MAPKAP1: variants seen among roughly 807,000 people sequenced by gnomAD.
MAPKAP1 encodes the protein target of rapamycin complex 2 subunit MAPKAP1.
In MAPKAP1, 20 loss-of-function variants were observed where a neutral mutation model predicts 65.7. The ratio of observed to expected loss-of-function variants is 0.30; its 90% confidence interval spans 0.21 to 0.44. MAPKAP1 has a LOEUF of 0.44. Among genes scored for constraint, MAPKAP1 ranks in the 20% least tolerant of loss-of-function variants. The pLI, the probability that MAPKAP1 is intolerant of heterozygous loss-of-function variation, is 1.00. For missense variants in MAPKAP1, 423 were observed against 648.0 expected (o/e 0.65, Z 3.77); for synonymous variants, 222 against 244.3 (o/e 0.91, Z 0.85).
At chr9:125,512,528 A>T (rs1424338451) in intron 7 of MAPKAP1, among the ~76,000 whole-genome samples, 6 of 152,056 alleles carry the variant, frequency 3.9e-5, no homozygotes, top group Non-Finnish European at 5.9e-5. Context: ...TTGTCGTTTA[A>T]TCTTTATGTT....
chr9:125,582,908 G>A (rs1484867715), intron 5 of MAPKAP1, among the ~76,000 whole-genome samples: 1 of 152,162 alleles, frequency 6.6e-6, no homozygotes, highest in Non-Finnish European at 1.5e-5. Flanking sequence ...GGAATGATTG[G>A]CTGAGGGCTC....
At chr9:125,523,005 G>A (rs1829663646) in intron 7 of MAPKAP1, among the ~76,000 whole-genome samples, 1 of 152,056 alleles carries the variant, frequency 6.6e-6, no homozygotes, top group East Asian at 1.9e-4. Context: ...ATGATATCAG[G>A]CCCAACCAGA....
Position 125,698,303 on chromosome 9 carries a change from AT to A in MAPKAP1, c.-70+8667del, listed in dbSNP as rs1208309099. ...AATATATATAAATATATATATATAT[AT>A]ATATATATATATATATATATATATA... On this transcript the variant is annotated intron_variant, in intron 1 of 11. Transcript: ENST00000265960. Among the ~76,000 whole-genome samples the A allele has an allele frequency of 2.5e-3, 54 of 21,464 alleles. 1 individual carries two copies. The highest frequency in any genetic ancestry group is 3.8e-3 in the Non-Finnish European group (39 of 10,202). The allele number at this position is 21,464 out of a possible 152,430, so 14.1% of individuals were successfully genotyped here.
intron 7 of MAPKAP1, among the ~76,000 whole-genome samples, chr9:125,529,025 T>G (rs1829857749): frequency 6.6e-6 from 1 of 150,830 alleles, no homozygotes; most frequent in Non-Finnish European, 1.5e-5. Context: ...AATACAAAAA[T>G]TAGCCGGGCG....
intron 7 of MAPKAP1, among the ~76,000 whole-genome samples, chr9:125,524,034 C>CTTAT (rs892670525): frequency 1.3e-5 from 2 of 152,208 alleles, no homozygotes; most frequent in African/African-American, 2.4e-5. Flanking sequence ...TTGGTGAGTA[C>CTTAT]TTATTTATTT....
chr9:125,559,703 T>C lies in MAPKAP1; in HGVS notation c.778A>G (p.Ser260Gly). ...SNEPIHKFGF[S>G]TLALVEKYSS... is the part of the protein sequence containing the mutation. ...TACTTTTCAACCAGGGCCAAAGTAC[T>C]GAAGCCAAACTTATGAATGGGCTCA... is the stretch of plus-strand genomic sequence containing the variant. Residue 260 changes from serine (S) to glycine (G), a missense_variant, in exon 6 of 12, where the codon AGT (serine) becomes GGT (glycine). By Grantham distance (56) the Ser-to-Gly change is moderately conservative (BLOSUM62 0). Around this residue, in one of 6 missense-constraint regions of MAPKAP1, gnomAD observed 98 missense variants for 200.5 expected, o/e 0.49. Coordinates refer to ENST00000265960, the MANE Select transcript of MAPKAP1 (RefSeq NM_001006617.3). 6.2e-7 allele frequency: 1 copy of C among 1,613,988 alleles called. No individual in the cohort carries two copies. Among genetic ancestry groups the C allele is most frequent in the Admixed American group, 1.7e-5 (1 of 60,018 alleles).
intron 3 of MAPKAP1, among the ~76,000 whole-genome samples, chr9:125,660,438 A>G (rs1834151630): frequency 6.6e-6 from 1 of 152,222 alleles, no homozygotes; most frequent in African/African-American, 2.4e-5. Context: ...CCTCAAAAAA[A>G]GTAAATAAAT....
At chr9:125,702,860 G>T (rs1029279281) in intron 1 of MAPKAP1, among the ~76,000 whole-genome samples, 1 of 125,658 alleles carries the variant, frequency 8.0e-6, no homozygotes, top group Non-Finnish European at 1.7e-5. Context: ...CTCAAAAAAA[G>T]AAAAAAAAAA....
chr9:125,521,433 C>G (rs1018756092), intron 7 of MAPKAP1: 7 of 1,092,262 alleles, frequency 6.4e-6, no homozygotes, highest in Non-Finnish European at 7.8e-6. Flanking sequence ...ATTTTACATA[C>G]AGTTATCTGT....
intron 4 of MAPKAP1, chr9:125,596,590 A>T: frequency 3.0e-6 from 2 of 675,276 alleles, no homozygotes; most frequent in South Asian, 2.7e-5. Context: ...TGGCAGTTCC[A>T]GTAGCAGCAG....
chr9:125,693,668 T>C lies in MAPKAP1; in HGVS notation c.-70+13303A>G, dbSNP rs1298485554. ...ATATACACGTATACATACACACACA[T>C]ATACACGTATATATACACGTATATA... On this transcript the variant is annotated intron_variant, in intron 1 of 11. Coordinates refer to ENST00000265960, the MANE Select transcript of MAPKAP1 (RefSeq NM_001006617.3). Among the ~76,000 whole-genome samples the C allele has an allele frequency of 0.015, 1,995 of 129,436 alleles. 151 individuals carry two copies. In the East Asian group the frequency reaches 0.16, roughly 11 times the overall value. 84.9% of individuals were successfully genotyped at this position (129,436 alleles called of 152,430 possible). A position where few individuals can be genotyped will look rare whatever the true frequency, so the allele number is the denominator to read the frequency against.
At chr9:125,466,587 G>A (rs374270708) in intron 10 of MAPKAP1, among the ~76,000 whole-genome samples, 25 of 152,280 alleles carry the variant, frequency 1.6e-4, no homozygotes, top group African/African-American at 2.6e-4. Context: ...TTTATTGGCC[G>A]ACAAGCTGAA....
chr9:125,584,102 A>C (rs904503085), intron 5 of MAPKAP1, among the ~76,000 whole-genome samples: 2 of 152,030 alleles, frequency 1.3e-5, no homozygotes, highest in African/African-American at 4.8e-5. Flanking sequence ...AACATCGATA[A>C]AGTCATTTGT....
intron 4 of MAPKAP1, among the ~76,000 whole-genome samples, chr9:125,593,650 ACT>A (rs919870253): frequency 6.7e-6 from 1 of 148,896 alleles, no homozygotes; most frequent in African/African-American, 2.5e-5. Flanking sequence ...ACAGAGCGAG[ACT>A]CTGTCTCAAA....
intron 4 of MAPKAP1, among the ~76,000 whole-genome samples, chr9:125,647,565 G>C (rs1414593642): frequency 6.6e-6 from 1 of 152,180 alleles, no homozygotes; most frequent in Non-Finnish European, 1.5e-5. Context: ...TCGTGGTTCT[G>C]TTCCTCTGCT....
At chr9:125,631,883 T>C (rs1833294024) in intron 4 of MAPKAP1, among the ~76,000 whole-genome samples, 1 of 151,980 alleles carries the variant, frequency 6.6e-6, no homozygotes. Flanking sequence ...TCCCTGATAT[T>C]CTCCCATGCG....
At chr9:125,482,908 A>T (rs1454751818) in intron 9 of MAPKAP1, among the ~76,000 whole-genome samples, 1 of 152,176 alleles carries the variant, frequency 6.6e-6, no homozygotes, top group Non-Finnish European at 1.5e-5. Flanking sequence ...CAGGTGCCTA[A>T]GTTCTCTGCA....
chr9:125,707,131 G>T lies in MAPKAP1; in HGVS notation c.-230C>A, dbSNP rs541294398. 5.0e-6 allele frequency: 2 copies of T among 398,236 alleles called. No homozygotes were observed. The highest frequency in any genetic ancestry group is 8.9e-6 in the Non-Finnish European group (2 of 225,886). The allele number at this position is 398,236 out of a possible 1,614,324, so 24.7% of individuals were successfully genotyped here. ...CGGCCCGCTCAGCTGCCGCTTCCCG[G>T]GTTAGCCCTCATGCCCCTGCTGCTC... On this transcript the variant is annotated 5_prime_UTR_variant, in exon 1 of 12. Coordinates refer to ENST00000265960, the MANE Select transcript of MAPKAP1 (RefSeq NM_001006617.3).
At chr9:125,442,128 C>CCAA (rs1554801130) in intron 11 of MAPKAP1, among the ~76,000 whole-genome samples, 1 of 38,760 alleles carries the variant, frequency 2.6e-5, no homozygotes, top group African/African-American at 9.5e-5. Context: ...GACTCTGTCT[C>CCAA]AAAAAAAAAA....
Sources: allele counts gnomAD v4.1 joint callset (sites outside exome capture counted in the v4.1 genomes callset), GRCh38; gene constraint gnomAD v4.1.1; regional missense constraint gnomAD v4.1.1; transcripts MANE v1.5; gene names NCBI Gene and HGNC (gene_info 2026-07-23, HGNC 2026-07-21).